The following LRMDA variants were observed in gnomAD, a reference collection of about 807,000 sequenced individuals.
The protein encoded by LRMDA is leucine rich melanocyte differentiation associated, also known as leucine-rich melanocyte differentiation-associated protein.
LRMDA carries 18 observed loss-of-function variants against 29.8 expected under a neutral mutation model. That is an observed-to-expected ratio of 0.60 (90% CI 0.42 to 0.90). The LOEUF (loss-of-function observed/expected upper bound fraction) is 0.90. Ranked by LOEUF, LRMDA falls within the 40% of genes least tolerant of loss-of-function variation. The pLI is 0.00. For missense variants in LRMDA, 273 were observed against 273.9 expected, an observed-to-expected ratio of 1.00 and a Z score of 0.02; for synonymous variants, 125 against 109.4, an observed-to-expected ratio of 1.14 and a Z score of -0.89.
intron 6 of LRMDA, among the ~76,000 whole-genome samples, chr10:76,419,417 T>C (rs1211860707): frequency 6.6e-6 from 1 of 152,138 alleles, no homozygotes; most frequent in African/African-American, 2.4e-5. Flanking sequence ...TATCACTTGA[T>C]AGCATGTTTC....
chr10:76,516,133 G>A (rs1038004693), intron 6 of LRMDA, among the ~76,000 whole-genome samples: 2 of 152,112 alleles, frequency 1.3e-5, no homozygotes, highest in Non-Finnish European at 2.9e-5. Context: ...ATTTCCACAG[G>A]TTGATAAAAG....
chr10:75,596,531 A>G (rs1026274239), intron 2 of LRMDA, among the ~76,000 whole-genome samples: 3 of 151,946 alleles, frequency 2.0e-5, no homozygotes, highest in Admixed American at 1.3e-4. Context: ...TTTCCATCTG[A>G]GTCTACTGAG....
At chr10:75,778,165 C>T (rs1364936126) in intron 2 of LRMDA, among the ~76,000 whole-genome samples, 1 of 152,134 alleles carries the variant, frequency 6.6e-6, no homozygotes, top group Non-Finnish European at 1.5e-5. Context: ...GCAACCTCTG[C>T]CTCCTGGGTT....
intron 2 of LRMDA, among the ~76,000 whole-genome samples, chr10:75,895,581 A>G (rs1845567778): frequency 6.6e-6 from 1 of 152,150 alleles, no homozygotes; most frequent in Non-Finnish European, 1.5e-5. Context: ...ATCTCCTAGG[A>G]CTTTGGCAGT....
chr10:75,909,359 T>G (rs1186428833), intron 2 of LRMDA, among the ~76,000 whole-genome samples: 1 of 152,174 alleles, frequency 6.6e-6, no homozygotes, highest in Non-Finnish European at 1.5e-5. Context: ...TGAAGGGCCT[T>G]TAGTAGAAAC....
chr10:76,503,383 T>C (rs1266921547), intron 6 of LRMDA, among the ~76,000 whole-genome samples: 4 of 151,916 alleles, frequency 2.6e-5, no homozygotes, highest in Non-Finnish European at 5.9e-5. Flanking sequence ...TTTAGAATAG[T>C]TTCAGTAGGA....
intron 6 of LRMDA, among the ~76,000 whole-genome samples, chr10:76,528,979 A>G (rs1843206586): frequency 6.6e-6 from 1 of 152,168 alleles, no homozygotes; most frequent in Admixed American, 6.6e-5. Context: ...AGGAATATAG[A>G]TACTGGGTAG....
intron 2 of LRMDA, among the ~76,000 whole-genome samples, chr10:75,456,176 C>T (rs146292185): frequency 3.3e-5 from 5 of 152,282 alleles, no homozygotes; most frequent in Admixed American, 1.3e-4. Flanking sequence ...CCACCTCCAG[C>T]GGGTGGAGGG....
At chr10:75,577,433 C>T (rs946940184) in intron 2 of LRMDA, among the ~76,000 whole-genome samples, 39 of 152,194 alleles carry the variant, frequency 2.6e-4, no homozygotes, top group African/African-American at 7.0e-4. Context: ...CTGAAAGTAA[C>T]GGGGAGGATG....
At chr10:75,983,280 C>A (rs1446603913) in intron 2 of LRMDA, among the ~76,000 whole-genome samples, 2 of 152,182 alleles carry the variant, frequency 1.3e-5, no homozygotes, top group African/African-American at 2.4e-5. Context: ...GCTACAGGAG[C>A]CAAATAAAAA....
At chr10:75,535,459 C>G (rs961026870) in intron 2 of LRMDA, among the ~76,000 whole-genome samples, 3 of 152,058 alleles carry the variant, frequency 2.0e-5, no homozygotes, top group Non-Finnish European at 4.4e-5. Context: ...ATTTGTTATT[C>G]AAGCCATGAA....
chr10:76,155,481 G>A (rs1850520676), intron 5 of LRMDA, among the ~76,000 whole-genome samples: 1 of 152,054 alleles, frequency 6.6e-6, no homozygotes, highest in African/African-American at 2.4e-5. Flanking sequence ...TTTTATAAAG[G>A]GAATATGTTA....
chr10:76,533,468 G>T (rs980760082), intron 6 of LRMDA, among the ~76,000 whole-genome samples: 1 of 152,102 alleles, frequency 6.6e-6, no homozygotes, highest in Non-Finnish European at 1.5e-5. Flanking sequence ...AATTGTTGCT[G>T]GTTTCTTTTG....
At chr10:75,875,501 T>C (rs1845181687) in intron 2 of LRMDA, among the ~76,000 whole-genome samples, 1 of 152,196 alleles carries the variant, frequency 6.6e-6, no homozygotes, top group South Asian at 2.1e-4. Context: ...TGGCATGATC[T>C]TGGCTCACTG....
At chr10:75,925,777 C>T (rs548495076) in intron 2 of LRMDA, among the ~76,000 whole-genome samples, 2 of 152,078 alleles carry the variant, frequency 1.3e-5, no homozygotes, top group African/African-American at 2.4e-5. Context: ...CTCAGTCTCC[C>T]AAGTAGCTGG....
chr10:75,952,102 T>G (rs1174096841), intron 2 of LRMDA, among the ~76,000 whole-genome samples: 3 of 152,180 alleles, frequency 2.0e-5, no homozygotes, highest in Non-Finnish European at 4.4e-5. Context: ...CAGACTCATC[T>G]CAGAAACCCT....
chr10:76,218,096 A>G (rs762309395), intron 5 of LRMDA, among the ~76,000 whole-genome samples: 11 of 152,206 alleles, frequency 7.2e-5, no homozygotes, highest in South Asian at 2.1e-4. Context: ...AATGGCTTCT[A>G]GAGTGGAAGG....
At chr10:76,169,462 T>G (rs1850796864) in intron 5 of LRMDA, among the ~76,000 whole-genome samples, 1 of 152,174 alleles carries the variant, frequency 6.6e-6, no homozygotes, top group Non-Finnish European at 1.5e-5. Flanking sequence ...GACGGGATGT[T>G]GGAGCCCTTC....
At chr10:75,916,852 C>T (rs1238049858) in intron 2 of LRMDA, among the ~76,000 whole-genome samples, 1 of 152,170 alleles carries the variant, frequency 6.6e-6, no homozygotes, top group Admixed American at 6.5e-5. Context: ...AGAAATCGAG[C>T]TGTGCCGAGA....
Sources: gnomAD v4.1 joint callset for allele counts (sites outside exome capture counted in the v4.1 genomes callset) on GRCh38, gnomAD v4.1.1 for gene constraint, MANE v1.5 for transcripts, NCBI Gene and HGNC (gene_info 2026-07-23, HGNC 2026-07-21) for gene names.